The following KCNQ5 variants were observed in gnomAD, a reference collection of about 807,000 sequenced individuals.
The protein encoded by KCNQ5 is potassium voltage-gated channel subfamily Q member 5, also known as potassium voltage-gated channel subfamily KQT member 5.
KCNQ5 carries 30 observed loss-of-function variants against 98.2 expected under a neutral mutation model. That is an observed-to-expected ratio of 0.31 (90% CI 0.23 to 0.41). The LOEUF is 0.41. Among genes scored for constraint, KCNQ5 ranks in the 10% least tolerant of loss-of-function variants. The pLI is 1.00. For missense variants in KCNQ5, 835 were observed against 1,182.5 expected (o/e 0.71, Z 4.31); for synonymous variants, 458 against 449.4 (o/e 1.02, Z -0.24).
chr6:72,986,689 T>C, intron 1 of KCNQ5: 1 of 1,108,504 alleles, frequency 9.0e-7, no homozygotes, highest in Non-Finnish European at 1.3e-6. Flanking sequence ...AGTTCCTCTG[T>C]GGGGAGAAGA....
At chr6:72,860,203 T>A (rs1455730650) in intron 1 of KCNQ5, among the ~76,000 whole-genome samples, 1 of 152,202 alleles carries the variant, frequency 6.6e-6, no homozygotes, top group Non-Finnish European at 1.5e-5. Context: ...ATGACACTTC[T>A]CCAGCCCTAT....
chr6:72,769,373 C>G (rs2154477349), intron 1 of KCNQ5, among the ~76,000 whole-genome samples: 1 of 152,110 alleles, frequency 6.6e-6, no homozygotes, highest in Non-Finnish European at 1.5e-5. Context: ...TAAGCATGAT[C>G]AAATACAAAA....
chr6:73,135,873 A>G (rs1776448024), intron 10 of KCNQ5: 1 of 152,198 alleles, frequency 6.6e-6, no homozygotes, highest in South Asian at 2.1e-4. Context: ...GAGTCTTTAC[A>G]TAGACTTTTC....
intron 1 of KCNQ5, among the ~76,000 whole-genome samples, chr6:72,766,873 A>G (rs943020418): frequency 2.0e-5 from 3 of 151,988 alleles, no homozygotes; most frequent in Admixed American, 6.6e-5. Flanking sequence ...AGAGTAGAAG[A>G]TGAACTTAGA....
At chr6:72,826,173 T>G (rs1215483522) in intron 1 of KCNQ5, among the ~76,000 whole-genome samples, 1 of 152,152 alleles carries the variant, frequency 6.6e-6, no homozygotes, top group Non-Finnish European at 1.5e-5. Context: ...ACCAATTCAT[T>G]CGACTCTAAC....
chr6:72,779,966 C>T (rs1310570815), intron 1 of KCNQ5, among the ~76,000 whole-genome samples: 1 of 151,822 alleles, frequency 6.6e-6, no homozygotes, highest in African/African-American at 2.4e-5. Context: ...TCCCAAAGTG[C>T]TGGGATTACA....
chr6:72,733,417 A>G lies in KCNQ5; in HGVS notation c.398+110830A>G, dbSNP rs79830930. ...TTGAGGAACAACGCAAGGTAGCTTT[A>G]GCAGAAAGATAAGGATGAGGAGTGC... On this transcript the variant is annotated intron_variant, in intron 1 of 13. Coordinates refer to ENST00000370398, the MANE Select transcript of KCNQ5 (RefSeq NM_019842.4). Among the ~76,000 whole-genome samples the G allele has an allele frequency of 5.6e-3, 851 of 152,374 alleles. 5 individuals are homozygous for G. The highest frequency in any genetic ancestry group is 0.019 in the African/African-American group (803 of 41,582).
chr6:72,735,896 A>G (rs1025242900), intron 1 of KCNQ5, among the ~76,000 whole-genome samples: 2 of 152,188 alleles, frequency 1.3e-5, no homozygotes, highest in Non-Finnish European at 2.9e-5. Flanking sequence ...AAAACTACTT[A>G]GACAATATTA....
chr6:72,816,435 A>G (rs1179435730), intron 1 of KCNQ5, among the ~76,000 whole-genome samples: 2 of 152,208 alleles, frequency 1.3e-5, no homozygotes, highest in Admixed American at 6.5e-5. Context: ...ACTTAACAGA[A>G]TAGTAAAATT....
intron 1 of KCNQ5, among the ~76,000 whole-genome samples, chr6:72,731,327 G>A (rs1202856470): frequency 6.6e-6 from 1 of 152,214 alleles, no homozygotes; most frequent in African/African-American, 2.4e-5. Context: ...CAGAGCAGTT[G>A]TCATTTAGAA....
intron 1 of KCNQ5, among the ~76,000 whole-genome samples, chr6:72,936,185 C>CA (rs1365959662): frequency 6.6e-6 from 1 of 152,174 alleles, no homozygotes; most frequent in African/African-American, 2.4e-5. Flanking sequence ...TGATGTCACC[C>CA]AAAAAATCAG....
In KCNQ5 at chr6:73,190,646, G is replaced by C; in HGVS notation, c.1651G>C (p.Glu551Gln). Residue 551 changes from glutamate (E) to glutamine (Q), a missense_variant, in exon 12 of 14, where the codon GAA becomes CAA. Glu to Gln is a conservative substitution (Grantham distance 29). This residue lies in a region of KCNQ5 where 146 missense variants were observed against 256.7 expected (regional missense o/e 0.57). Transcript: ENST00000370398. ...TCCATATGATGTAAAAGATGTCATT[G>C]AACAATATTCTGCTGGTCATCTGGA... Reference protein sequence around the residue: ...LRPYDVKDVIEQYSAGHLDML... With the variant: ...LRPYDVKDVIQQYSAGHLDML... The C allele has an allele frequency of 6.3e-7, 1 of 1,597,046 alleles. No homozygotes were observed. Among genetic ancestry groups the C allele is most frequent in the Non-Finnish European group, 8.6e-7 (1 of 1,169,334 alleles).
At chr6:72,941,135 C>T (rs1294643547) in intron 1 of KCNQ5, among the ~76,000 whole-genome samples, 1 of 151,936 alleles carries the variant, frequency 6.6e-6, no homozygotes, top group Non-Finnish European at 1.5e-5. Flanking sequence ...TATTAATTTC[C>T]TTTCCCTGTC....
intron 1 of KCNQ5, among the ~76,000 whole-genome samples, chr6:72,823,606 G>C (rs951787934): frequency 2.0e-5 from 3 of 152,152 alleles, no homozygotes; most frequent in African/African-American, 7.2e-5. Flanking sequence ...AGGGAGACCT[G>C]CAAGTTGTTG....
Position 72,867,943 on chromosome 6 carries a change from ATACTAATAC to A in KCNQ5, c.399-135959_399-135951del, listed in dbSNP as rs1182287736. 6.6e-5 allele frequency among the ~76,000 whole-genome samples: 10 copies of A among 151,314 alleles called. No individual in the cohort carries two copies. The East Asian group carries it at 1.2e-3, about 18-fold the overall frequency. ...TGAGACTCTAAAAATAATACTAATAATACTAATACTACTACTACTACTACTACTAATAAT... is the reference window on the plus strand; with the variant it reads ...TGAGACTCTAAAAATAATACTAATAATACTACTACTACTACTACTAATAAT... On this transcript the variant is annotated intron_variant, in intron 1 of 13. Transcript: ENST00000370398.
At chr6:72,945,980 C>T (rs998461201) in intron 1 of KCNQ5, among the ~76,000 whole-genome samples, 11 of 152,088 alleles carry the variant, frequency 7.2e-5, no homozygotes, top group East Asian at 3.9e-4. Flanking sequence ...AACAGAGATT[C>T]GGGAGAGCCA....
At chr6:72,847,353 G>T (rs1777063466) in intron 1 of KCNQ5, among the ~76,000 whole-genome samples, 1 of 152,086 alleles carries the variant, frequency 6.6e-6, no homozygotes, top group Non-Finnish European at 1.5e-5. Context: ...AGTAAAGACG[G>T]TTTCTCCTTG....
At chr6:72,790,834 A>T (rs1054233088) in intron 1 of KCNQ5, among the ~76,000 whole-genome samples, 21 of 152,204 alleles carry the variant, frequency 1.4e-4, no homozygotes, top group Non-Finnish European at 2.5e-4. Flanking sequence ...ACTTGAAGAT[A>T]AAAAAACAGA....
At chr6:73,121,864 G>T (rs1318450085) in intron 8 of KCNQ5, among the ~76,000 whole-genome samples, 2 of 152,214 alleles carry the variant, frequency 1.3e-5, no homozygotes, top group African/African-American at 2.4e-5. Context: ...TGGGCAAGAT[G>T]ATTCCTAAGC....
Sources: gnomAD v4.1 joint callset for allele counts (sites outside exome capture counted in the v4.1 genomes callset) on GRCh38, gnomAD v4.1.1 for gene constraint, gnomAD v4.1.1 regional missense constraint, MANE v1.5 for transcripts, NCBI Gene and HGNC (gene_info 2026-07-23, HGNC 2026-07-21) for gene names.